Variants in UBASH3A observed in about 807,000 individuals in gnomAD.
UBASH3A encodes the protein ubiquitin-associated and SH3 domain-containing protein A.
In UBASH3A, 63 loss-of-function variants were observed where a neutral mutation model predicts 73.5. That is an observed-to-expected ratio of 0.86 (90% CI 0.70 to 1.06). The LOEUF (loss-of-function observed/expected upper bound fraction) is 1.06. UBASH3A is among the 50% of genes least tolerant of loss of function. The pLI is 0.00. For synonymous variants in UBASH3A, 363 were observed against 351.1 expected (o/e 1.03, Z -0.38); for missense variants, 860 against 859.0 (o/e 1.00, Z -0.02).
chr21:42,419,880 C>T lies in UBASH3A; in HGVS notation c.1046+1271C>T, dbSNP rs116372249. 2.5e-3 allele frequency among the ~76,000 whole-genome samples: 376 copies of T among 152,262 alleles called. 1 individual carries two copies. The highest frequency in any genetic ancestry group is 6.8e-3 in the African/African-American group (284 of 41,540). On this transcript the variant is annotated intron_variant, in intron 7 of 14. Coordinates refer to ENST00000319294, the MANE Select transcript of UBASH3A (RefSeq NM_018961.4). ...AAATCGGCTTTGTGTTAGATTATTC[C>T]GCCCTATCATAGGCTACTGTAAGTG...
intron 7 of UBASH3A, among the ~76,000 whole-genome samples, chr21:42,423,938 G>A (rs1328359279): frequency 6.6e-6 from 1 of 152,100 alleles, no homozygotes; most frequent in African/African-American, 2.4e-5. Flanking sequence ...GCAGATGACG[G>A]GAGCTGTTGG....
At chr21:42,443,047 G>C in intron 12 of UBASH3A, 2 of 1,128,876 alleles carry the variant, frequency 1.8e-6, no homozygotes, top group South Asian at 5.2e-5. Flanking sequence ...TTTAGTCAAG[G>C]AGAGAGTCTT....
At chr21:42,427,700 C>T (rs1467742616) in intron 8 of UBASH3A, among the ~76,000 whole-genome samples, 1 of 152,172 alleles carries the variant, frequency 6.6e-6, no homozygotes, top group Non-Finnish European at 1.5e-5. Context: ...ATCCAGTGCC[C>T]ACCACGGCCA....
At chr21:42,422,433 G>T (rs2053353190) in intron 7 of UBASH3A, among the ~76,000 whole-genome samples, 1 of 152,100 alleles carries the variant, frequency 6.6e-6, no homozygotes, top group Admixed American at 6.5e-5. Context: ...CCCTGGATAG[G>T]CACTTTTATT....
intron 1 of UBASH3A, 96 bp from the exon 2 acceptor site, chr21:42,406,212 C>G: frequency 9.9e-7 from 1 of 1,013,922 alleles, no homozygotes; most frequent in Non-Finnish European, 1.6e-6. Flanking sequence ...GAGCACCCCC[C>G]AAAGATCCTG....
chr21:42,437,757 G>T (rs2053653872), intron 11 of UBASH3A, among the ~76,000 whole-genome samples, 177 bp downstream of exon 11: 1 of 152,194 alleles, frequency 6.6e-6, no homozygotes, highest in Non-Finnish European at 1.5e-5. Flanking sequence ...CTGGGTCCGT[G>T]AGCGTGTCTG....
chr21:42,437,314 A>G (rs2053642035), intron 10 of UBASH3A, among the ~76,000 whole-genome samples, 174 bp from the exon 11 acceptor site: 1 of 152,212 alleles, frequency 6.6e-6, no homozygotes, highest in Admixed American at 6.5e-5. Flanking sequence ...GCAACAGATC[A>G]TTCTGGTCAT....
Position 42,418,487 on chromosome 21 carries a change from G to A in UBASH3A, c.924G>A (p.Thr308=), listed in dbSNP as rs144754371. 99 of 1,614,138 alleles carry A rather than the reference G, an allele frequency of 6.1e-5. No homozygotes were observed. In the South Asian group the frequency reaches 7.8e-4, roughly 13 times the overall value. ...SPGDYIFVDP[T]QQDEASEGWV... is the part of the protein sequence containing the mutation. ...GTGACTACATCTTTGTGGACCCCAC[G>A]CAGCAGGACGAAGCCAGCGAGGGCT... Residue 308 remains threonine, a synonymous_variant, in exon 7 of 15, where the codon ACG becomes ACA. Transcript: ENST00000319294.
chr21:42,418,940 G>A (rs943583930), intron 7 of UBASH3A, among the ~76,000 whole-genome samples: 3 of 152,106 alleles, frequency 2.0e-5, no homozygotes, highest in Non-Finnish European at 4.4e-5. Context: ...CTTCTGCTCC[G>A]TGTATGAAAT....
At chr21:42,433,884 A>C (rs1274181163) in intron 9 of UBASH3A, among the ~76,000 whole-genome samples, 1 of 152,066 alleles carries the variant, frequency 6.6e-6, no homozygotes, top group Non-Finnish European at 1.5e-5. Flanking sequence ...GGCCTGGCAT[A>C]TTCTGGGGTG....
intron 8 of UBASH3A, among the ~76,000 whole-genome samples, chr21:42,428,938 C>G (rs1347771887): frequency 6.6e-6 from 1 of 152,080 alleles, no homozygotes; most frequent in Non-Finnish European, 1.5e-5. Flanking sequence ...GGAACTTGTG[C>G]ATGTGACCTT....
At chr21:42,406,234 C>A in intron 1 of UBASH3A, 74 bp from the exon 2 acceptor site, 1 of 1,251,990 alleles carries the variant, frequency 8.0e-7, no homozygotes, top group Non-Finnish European at 1.2e-6. Flanking sequence ...GTGTGCAAGG[C>A]CACACCCTGC....
At chr21:42,410,117 G>A in intron 3 of UBASH3A, 1 of 702,352 alleles carries the variant, frequency 1.4e-6, no homozygotes, top group South Asian at 1.5e-5. Flanking sequence ...CTGTCTCAGG[G>A]ACCAGCCGTC....
intron 7 of UBASH3A, among the ~76,000 whole-genome samples, chr21:42,422,962 T>C (rs1282766514): frequency 6.6e-6 from 1 of 152,190 alleles, no homozygotes; most frequent in East Asian, 1.9e-4. Context: ...GGGAGTCTTT[T>C]CAAACACGAC....
chr21:42,416,456 C>A lies in UBASH3A; in HGVS notation c.682C>A (p.Pro228Thr), dbSNP rs913645774. 5.7e-6 allele frequency: 9 copies of A among 1,589,190 alleles called. No homozygotes were observed. Among genetic ancestry groups the A allele is most frequent in the Non-Finnish European group, 7.7e-6 (9 of 1,169,178 alleles). Residue 228 changes from proline to threonine, a missense_variant, in exon 6 of 15, where the codon CCT (proline) becomes ACT (threonine). Pro to Thr is a conservative substitution (Grantham distance 38). Coordinates refer to ENST00000319294, the MANE Select transcript of UBASH3A (RefSeq NM_018961.4). ...TGATTTCACAGACTGCTCCGTGAAG[C>A]CTTGCACCAAACAGCTGCATCTGAC... ...YILQKYCSVK[P>T]CTKQLHLTLA...
Position 42,403,960 on chromosome 21 carries a change from G to C in UBASH3A, c.15G>C (p.Glu5Asp). Residue 5 changes from glutamate to aspartate, a missense_variant, in exon 1 of 15, where the codon GAG (glutamate) becomes GAC (aspartate). By Grantham distance (45) the Glu-to-Asp change is conservative. Transcript: ENST00000319294. Reference protein sequence around the residue: MAAGETQLYAKVSNK... With the variant: MAAGDTQLYAKVSNK... ...GGCAGGAAGAGATGGCAGCGGGGGAGACGCAGCTCTACGCCAAGGTCTCCA... is the reference window on the plus strand; with the variant it reads ...GGCAGGAAGAGATGGCAGCGGGGGACACGCAGCTCTACGCCAAGGTCTCCA... 6.6e-7 allele frequency: 1 copy of C among 1,513,768 alleles called. No homozygotes were observed. Among genetic ancestry groups the C allele is most frequent in the Non-Finnish European group, 8.9e-7 (1 of 1,125,188 alleles). 93.8% of individuals were successfully genotyped at this position (1,513,768 alleles called of 1,614,324 possible). A position where few individuals can be genotyped will look rare whatever the true frequency, so the allele number is the denominator to read the frequency against.
intron 9 of UBASH3A, among the ~76,000 whole-genome samples, chr21:42,433,727 C>T (rs544507080): frequency 1.3e-5 from 2 of 152,246 alleles, no homozygotes; most frequent in African/African-American, 2.4e-5. Flanking sequence ...GAGTCTCTGC[C>T]CATGGAAATC....
At chr21:42,445,678 C>G (rs964108947) in intron 14 of UBASH3A, among the ~76,000 whole-genome samples, 1 of 152,236 alleles carries the variant, frequency 6.6e-6, no homozygotes, top group Admixed American at 6.5e-5. Context: ...AATTAGGCAT[C>G]AGACACCCGA....
Position 42,440,870 on chromosome 21 carries a change from T to C in UBASH3A, c.1487-1582T>C, listed in dbSNP as rs577546103. ...AAGAATACGACTGACTGAAAACACT[T>C]CATAATTTTATCTTTTTTTTGTCAT... On this transcript the variant is annotated intron_variant, in intron 11 of 14. Transcript: ENST00000319294. 9.8e-5 allele frequency among the ~76,000 whole-genome samples: 15 copies of C among 152,374 alleles called. No individual in the cohort carries two copies. The South Asian group carries it at 2.7e-3, about 27-fold the overall frequency.
Sources: allele counts gnomAD v4.1 joint callset (sites outside exome capture counted in the v4.1 genomes callset), GRCh38; gene constraint gnomAD v4.1.1; transcripts MANE v1.5; gene names NCBI Gene and HGNC (gene_info 2026-07-23, HGNC 2026-07-21).